TMC1: variants seen among roughly 807,000 people sequenced by gnomAD.
TMC1 encodes the protein transmembrane channel like 1.
In TMC1, 84 loss-of-function variants were observed where a neutral mutation model predicts 105.8. That is an observed-to-expected ratio of 0.79 (90% CI 0.67 to 0.95). TMC1 has a LOEUF of 0.95. Among genes scored for constraint, TMC1 ranks in the 40% least tolerant of loss-of-function variants. The pLI, the probability that TMC1 is intolerant of heterozygous loss-of-function variation, is 0.00. For missense variants in TMC1, 817 were observed against 914.1 expected, an observed-to-expected ratio of 0.89 and a Z score of 1.37; for synonymous variants, 315 against 311.5, an observed-to-expected ratio of 1.01 and a Z score of -0.12.
chr9:72,815,952 T>A (rs1828780398), intron 18 of TMC1, among the ~76,000 whole-genome samples, 191 bp from the exon 19 acceptor site: 1 of 152,066 alleles, frequency 6.6e-6, no homozygotes, highest in African/African-American at 2.4e-5. Context: ...TAAAAATGAG[T>A]CTCACTGTGT....
chr9:72,701,357 A>T (rs1351621774), intron 8 of TMC1, among the ~76,000 whole-genome samples: 4 of 152,160 alleles, frequency 2.6e-5, no homozygotes, highest in African/African-American at 7.2e-5. Flanking sequence ...AAGTCAAATG[A>T]TTATCCTATT....
In TMC1 at chr9:72,648,613, C is replaced by A. The variant is rs1170845055; in HGVS notation, c.-36C>A. The A allele has an allele frequency of 6.2e-7, 1 of 1,608,098 alleles. No homozygotes were observed. Among genetic ancestry groups the A allele is most frequent in the Non-Finnish European group, 8.5e-7 (1 of 1,174,546 alleles). ...ATCCTGCAGTCCCTCTCCAAACTAG[C>A]CAGCCACTGAGACCTTCTGACAGGA... On this transcript the variant is annotated 5_prime_UTR_variant, in exon 5 of 24. Coordinates refer to ENST00000297784, the MANE Select transcript of TMC1 (RefSeq NM_138691.3).
chr9:72,792,789 G>A (rs537867263), intron 17 of TMC1, among the ~76,000 whole-genome samples: 45 of 152,308 alleles, frequency 3.0e-4, no homozygotes, highest in African/African-American at 8.4e-4. Flanking sequence ...GAGGCAGCTA[G>A]TGTGCATGGC....
At chr9:72,787,952 G>GTA (rs1257897645) in intron 13 of TMC1, among the ~76,000 whole-genome samples, 1 of 152,128 alleles carries the variant, frequency 6.6e-6, no homozygotes, top group Non-Finnish European at 1.5e-5. Context: ...GTAAAAGTCA[G>GTA]TATATATGTT....
rs190170538 is a variant in TMC1, at chr9:72,585,146, C to T, written c.-306+7123C>T. ...TTACTCCTGTCACTCATCATGGGTG[C>T]CATGTCTTTTTTTTTTTTTTTTGAG... On this transcript the variant is annotated intron_variant, in intron 2 of 23. Transcript: ENST00000297784. Among the ~76,000 whole-genome samples the T allele has an allele frequency of 3.2e-3, 475 of 148,998 alleles. 1 individual carries two copies. The highest frequency in any genetic ancestry group is 4.9e-3 in the Non-Finnish European group (329 of 67,368).
chr9:72,810,150 A>C (rs1158645556), intron 18 of TMC1, among the ~76,000 whole-genome samples: 2 of 151,854 alleles, frequency 1.3e-5, no homozygotes, highest in Non-Finnish European at 2.9e-5. Flanking sequence ...AAAAAAAAAA[A>C]AAAAAACTAA....
chr9:72,755,792 C>A (rs1159022550), intron 12 of TMC1, among the ~76,000 whole-genome samples: 1 of 152,162 alleles, frequency 6.6e-6, no homozygotes, highest in Admixed American at 6.6e-5. Context: ...AAGCAGACTG[C>A]CTGTTTATAG....
intron 8 of TMC1, among the ~76,000 whole-genome samples, chr9:72,718,265 A>G (rs1826957338): frequency 6.6e-6 from 1 of 151,890 alleles, no homozygotes; most frequent in African/African-American, 2.4e-5. Context: ...TTTTTTGATG[A>G]TGTTAAAGAA....
chr9:72,591,794 T>G (rs1824643070), intron 2 of TMC1, among the ~76,000 whole-genome samples: 1 of 152,092 alleles, frequency 6.6e-6, no homozygotes, highest in Non-Finnish European at 1.5e-5. Context: ...GGTCTCAAAT[T>G]CCTGGGCTAA....
intron 8 of TMC1, among the ~76,000 whole-genome samples, chr9:72,739,093 TTTATTTCTCAC>T (rs1277379264): frequency 2.0e-5 from 3 of 152,248 alleles, no homozygotes; most frequent in Non-Finnish European, 4.4e-5. Context: ...ACAACAGCCA[TTTATTTCTCAC>T]AGTGCTAGAG....
At chr9:72,683,593 T>G (rs1455369374) in intron 5 of TMC1, among the ~76,000 whole-genome samples, 1 of 150,748 alleles carries the variant, frequency 6.6e-6, no homozygotes, top group African/African-American at 2.4e-5. Flanking sequence ...TTTTTCCCCC[T>G]TGAGAAGAGA....
chr9:72,541,924 A>C (rs1823685502), intron 1 of TMC1, among the ~76,000 whole-genome samples: 1 of 152,166 alleles, frequency 6.6e-6, no homozygotes, highest in African/African-American at 2.4e-5. Context: ...TGAAAAACTG[A>C]AAGAGGATGT....
At chr9:72,604,161 A>G (rs1457920851) in intron 2 of TMC1, among the ~76,000 whole-genome samples, 2 of 152,174 alleles carry the variant, frequency 1.3e-5, no homozygotes, top group Non-Finnish European at 2.9e-5. Flanking sequence ...TCCTGTAATT[A>G]TAATCTCATT....
chr9:72,793,678 T>C (rs1215960114), intron 17 of TMC1, among the ~76,000 whole-genome samples: 1 of 152,188 alleles, frequency 6.6e-6, no homozygotes, highest in Non-Finnish European at 1.5e-5. Flanking sequence ...ATCTTTGCTG[T>C]TTCACAGCCT....
chr9:72,555,973 C>CA (rs59431883), intron 1 of TMC1, among the ~76,000 whole-genome samples: 1,538 of 42,568 alleles, frequency 0.036, 230 homozygotes, highest in East Asian at 0.057. Context: ...ATGACTAAGG[C>CA]AAAAAAAAAA....
At chr9:72,578,850 T>G (rs1357300119) in intron 2 of TMC1, among the ~76,000 whole-genome samples, 1 of 152,182 alleles carries the variant, frequency 6.6e-6, no homozygotes, top group Non-Finnish European at 1.5e-5. Context: ...CCTGAGGGTC[T>G]GGGGAAAGAA....
intron 21 of TMC1, among the ~76,000 whole-genome samples, chr9:72,828,503 A>T (rs1283634103): frequency 2.0e-5 from 3 of 152,106 alleles, no homozygotes; most frequent in Non-Finnish European, 2.9e-5. Flanking sequence ...GTTTATTTTT[A>T]AGTGAAGGAG....
At chr9:72,614,561 G>A (rs1199390903) in intron 2 of TMC1, among the ~76,000 whole-genome samples, 3 of 152,122 alleles carry the variant, frequency 2.0e-5, no homozygotes, top group Non-Finnish European at 4.4e-5. Flanking sequence ...ATTTTTGCAA[G>A]GTTTTCAAGG....
chr9:72,527,841 G>A (rs1310355178), intron 1 of TMC1, among the ~76,000 whole-genome samples: 2 of 152,160 alleles, frequency 1.3e-5, no homozygotes, highest in Non-Finnish European at 2.9e-5. Flanking sequence ...TGTTGCCAAT[G>A]GCACTGCGAG....
Sources: gnomAD v4.1 joint callset for allele counts (sites outside exome capture counted in the v4.1 genomes callset) on GRCh38, gnomAD v4.1.1 for gene constraint, MANE v1.5 for transcripts, NCBI Gene and HGNC (gene_info 2026-07-23, HGNC 2026-07-21) for gene names.